The following MEGF10 variants were observed in gnomAD, a reference collection of about 807,000 sequenced individuals.
The protein encoded by MEGF10 is multiple epidermal growth factor-like domains protein 10.
A neutral mutation model predicts 147.5 loss-of-function variants in MEGF10; 86 were observed. The ratio of observed to expected loss-of-function variants is 0.58; its 90% CI spans 0.49 to 0.70. MEGF10 has a LOEUF of 0.70. Ranked by LOEUF, MEGF10 falls within the 30% of genes least tolerant of loss-of-function variation. The pLI is 0.00. For missense variants in MEGF10, 1,329 were observed against 1,487.3 expected (o/e 0.89, Z 1.75); for synonymous variants, 478 against 525.5 (o/e 0.91, Z 1.24).
rs1172549251 is a variant in MEGF10 at position 127,457,728 on chromosome 5, A to G, written c.*410A>G. The G allele has an allele frequency of 6.3e-6, 1 of 158,388 alleles. No individual in the cohort carries two copies. The highest frequency in any genetic ancestry group is 1.4e-5 in the Non-Finnish European group (1 of 71,726). The allele number at this position is 158,388 out of a possible 1,614,324, so 9.8% of individuals were successfully genotyped here. On this transcript the variant is annotated 3_prime_UTR_variant, in exon 25 of 25. Coordinates refer to ENST00000503335, the MANE Select transcript of MEGF10 (RefSeq NM_001256545.2). ...ACCTAGGATTGTACAGTTTACCATA[A>G]AATTTACTTCATGAAAGTGGGAATC...
Position 127,331,400 on chromosome 5 carries a change from C to A in MEGF10, c.92C>A (p.Pro31His), listed in dbSNP as rs771335551. 1 of 1,610,202 alleles carries A rather than the reference C, an allele frequency of 6.2e-7. No homozygotes were observed. Among genetic ancestry groups the A allele is most frequent in the Admixed American group, 1.7e-5 (1 of 59,904 alleles). ...GCATCACCTCTGAATCTTGAAGACC[C>A]TAATGTGTGTAGCCACTGGGAAAGG... ...GTASPLNLED[P>H]NVCSHWESYS... The change falls in exon 2 of 25, where the codon CCT becomes CAT. Residue 31 changes from proline to histidine, a missense_variant. Transcript: ENST00000503335.
intron 11 of MEGF10, 93 bp from the exon 12 acceptor site, chr5:127,419,951 G>C: frequency 7.1e-7 from 1 of 1,406,302 alleles, no homozygotes; most frequent in East Asian, 2.3e-5. Flanking sequence ...GCATCTCCAA[G>C]GCGTTTCTAA....
At chr5:127,298,251 C>G (rs1473435322) in intron 1 of MEGF10, among the ~76,000 whole-genome samples, 1 of 152,162 alleles carries the variant, frequency 6.6e-6, no homozygotes, top group African/African-American at 2.4e-5. Context: ...CCCTGCACTC[C>G]TCCTCTCTTG....
chr5:127,284,414 G>A, the MEGF10 span, among the ~76,000 whole-genome samples: 24 of 151,402 alleles, frequency 1.6e-4, no homozygotes, highest in East Asian at 4.5e-3. Context: ...GTGACTATGA[G>A]GAAAAAGTGT....
In MEGF10 at chr5:127,292,975, A is replaced by G. The variant is rs1020727200; in HGVS notation, c.-19+1919A>G. Among the ~76,000 whole-genome samples, 10 of 152,368 alleles carry G rather than the reference A, an allele frequency of 6.6e-5. No individual in the cohort carries two copies. In the East Asian group the frequency reaches 1.9e-3, roughly 29 times the overall value. ...AAGTATTTTTAGCTACACAATTTCCATACCTGTTAAAATGCTCATAAGAGC... is the reference window on the plus strand; with the variant it reads ...AAGTATTTTTAGCTACACAATTTCCGTACCTGTTAAAATGCTCATAAGAGC... On this transcript the variant is annotated intron_variant, in intron 1 of 24. Transcript: ENST00000503335.
In MEGF10 at chr5:127,438,527, T is replaced by C; in HGVS notation, c.2193T>C (p.Cys731=). 7 of 1,614,166 alleles carry C rather than the reference T, an allele frequency of 4.3e-6. No individual in the cohort carries two copies. The highest frequency in any genetic ancestry group is 5.1e-6 in the Non-Finnish European group (6 of 1,179,998). ...TCTGCAGCGCCTACGATGGGGAATGTAAATGCACTCCTGGCTGGACAGGGC... is the reference window on the plus strand; with the variant it reads ...TCTGCAGCGCCTACGATGGGGAATGCAAATGCACTCCTGGCTGGACAGGGC... ...GAFCSAYDGE[C]KCTPGWTGLY... Residue 731 remains cysteine, a synonymous_variant, in exon 17 of 25, where the codon TGT becomes TGC. Transcript: ENST00000503335.
At chr5:127,441,055 T>G (rs1765739969) in intron 18 of MEGF10, among the ~76,000 whole-genome samples, 188 bp downstream of exon 18, 1 of 152,220 alleles carries the variant, frequency 6.6e-6, no homozygotes, top group African/African-American at 2.4e-5. Context: ...CGCTGGTTAC[T>G]CACTGCTCTG....
chr5:127,381,859 T>C (rs73346907), intron 5 of MEGF10, among the ~76,000 whole-genome samples: 11,527 of 152,012 alleles, frequency 0.076, 707 homozygotes, highest in African/African-American at 0.17. Context: ...TTAGTAGAGG[T>C]GGGGTTTCAC....
chr5:127,378,995 C>A (rs1267027344), intron 5 of MEGF10, among the ~76,000 whole-genome samples: 2 of 151,592 alleles, frequency 1.3e-5, no homozygotes, highest in African/African-American at 4.8e-5. Flanking sequence ...TGAGTTCATG[C>A]AGTGGCTTTA....
chr5:127,405,712 A>G (rs1231915573), intron 8 of MEGF10, among the ~76,000 whole-genome samples: 1 of 152,154 alleles, frequency 6.6e-6, no homozygotes, highest in East Asian at 1.9e-4. Context: ...TGGCTTCAGT[A>G]TAGTCTCATG....
the MEGF10 span, among the ~76,000 whole-genome samples, chr5:127,268,624 A>G: frequency 1.3e-5 from 2 of 152,220 alleles, no homozygotes; most frequent in African/African-American, 4.8e-5. Context: ...CCGCAACTCA[A>G]GGAGGCCTGC....
chr5:127,259,411 G>A, the MEGF10 span, among the ~76,000 whole-genome samples: 4 of 152,148 alleles, frequency 2.6e-5, no homozygotes. Flanking sequence ...GAGGGATGAT[G>A]GGTCCTTGAG....
intron 9 of MEGF10, among the ~76,000 whole-genome samples, chr5:127,411,164 C>T (rs1044120708): frequency 2.6e-5 from 4 of 152,116 alleles, no homozygotes; most frequent in African/African-American, 9.7e-5. Context: ...ACTTTTAGCT[C>T]AAAAACCTCT....
At chr5:127,402,456 C>G (rs941302152) in intron 7 of MEGF10, 90 bp from the exon 8 acceptor site, 21 of 1,436,830 alleles carry the variant, frequency 1.5e-5, no homozygotes, top group Non-Finnish European at 1.9e-5. Context: ...CCCATCCCTC[C>G]TTTCTATTTC....
At chr5:127,331,011 A>G (rs1761232793) in intron 1 of MEGF10, among the ~76,000 whole-genome samples, 1 of 152,152 alleles carries the variant, frequency 6.6e-6, no homozygotes, top group Non-Finnish European at 1.5e-5. Flanking sequence ...AGATTTCTTT[A>G]ATATTGGCTG....
chr5:127,358,951 C>T (rs1762374672), intron 4 of MEGF10, among the ~76,000 whole-genome samples: 1 of 152,116 alleles, frequency 6.6e-6, no homozygotes. Flanking sequence ...AAGCTAAAAA[C>T]TCTTTCTGTT....
intron 5 of MEGF10, among the ~76,000 whole-genome samples, chr5:127,393,276 G>C (rs1763772716): frequency 6.6e-6 from 1 of 152,170 alleles, no homozygotes; most frequent in Non-Finnish European, 1.5e-5. Context: ...TGTGGTACTT[G>C]AATTCAGGAT....
chr5:127,348,337 T>C (rs533386429), intron 4 of MEGF10, among the ~76,000 whole-genome samples: 171 of 152,280 alleles, frequency 1.1e-3, no homozygotes, highest in Admixed American at 2.5e-3. Flanking sequence ...CTGCCTTCTT[T>C]TTCTGATTCT....
chr5:127,416,456 G>C (rs928594512), intron 9 of MEGF10, among the ~76,000 whole-genome samples: 2 of 152,122 alleles, frequency 1.3e-5, no homozygotes, highest in Non-Finnish European at 2.9e-5. Flanking sequence ...GTAGATCTGA[G>C]ACTCACGCTC....
Sources: gnomAD v4.1 joint callset for allele counts (sites outside exome capture counted in the v4.1 genomes callset) on GRCh38, gnomAD v4.1.1 for gene constraint, MANE v1.5 for transcripts, NCBI Gene and HGNC (gene_info 2026-07-23, HGNC 2026-07-21) for gene names.